Variants in CEP128 observed in about 807,000 individuals in gnomAD.
The protein encoded by CEP128 is centrosomal protein 128.
In CEP128, 132 loss-of-function variants were observed where a neutral mutation model predicts 156.7. The observed-to-expected ratio is 0.84, with a 90% CI of 0.73 to 0.97. The LOEUF (loss-of-function observed/expected upper bound fraction) is 0.97. Ranked by LOEUF, CEP128 falls within the 50% of genes least tolerant of loss-of-function variation. The probability of loss-of-function intolerance (pLI) is 0.00; values close to 1 mark genes in which losing one functional copy is unlikely to be tolerated. For missense variants in CEP128, 1,252 were observed against 1,281.9 expected, an observed-to-expected ratio of 0.98 and a Z score of 0.36; for synonymous variants, 469 against 448.9, an observed-to-expected ratio of 1.04 and a Z score of -0.57.
intron 19 of CEP128, among the ~76,000 whole-genome samples, chr14:80,677,798 C>G (rs6574600): frequency 0.38 from 56,929 of 151,388 alleles, 12,672 homozygotes; most frequent in Non-Finnish European, 0.5. Context: ...GCCAAAAAAC[C>G]TTAATTGTAA....
At chr14:80,720,762 T>C (rs1415309436) in intron 19 of CEP128, among the ~76,000 whole-genome samples, 2 of 152,192 alleles carry the variant, frequency 1.3e-5, no homozygotes, top group East Asian at 3.9e-4. Context: ...GGAAACGAAG[T>C]ATCTAAGCAA....
chr14:80,733,486 A>C (rs1186772685), intron 19 of CEP128, among the ~76,000 whole-genome samples: 1 of 152,108 alleles, frequency 6.6e-6, no homozygotes, highest in Non-Finnish European at 1.5e-5. Context: ...AGGAATGAAT[A>C]TATGACAAAC....
At chr14:80,865,526 A>G (rs943730042) in intron 8 of CEP128, among the ~76,000 whole-genome samples, 4 of 152,174 alleles carry the variant, frequency 2.6e-5, no homozygotes, top group African/African-American at 9.7e-5. Context: ...AACTTCTGAC[A>G]TAGGTCCCAA....
At chr14:80,645,381 T>C (rs572237601) in intron 19 of CEP128, among the ~76,000 whole-genome samples, 9 of 152,236 alleles carry the variant, frequency 5.9e-5, no homozygotes, top group Non-Finnish European at 8.8e-5. Context: ...AATGTTCTAA[T>C]AGGAGAAATC....
intron 20 of CEP128, among the ~76,000 whole-genome samples, chr14:80,567,864 G>C (rs1192588220): frequency 6.6e-6 from 1 of 152,016 alleles, no homozygotes; most frequent in African/African-American, 2.4e-5. Context: ...CAAAGAGATG[G>C]AGAAAGAGGA....
intron 19 of CEP128, among the ~76,000 whole-genome samples, chr14:80,694,749 G>C (rs1896832366): frequency 6.6e-6 from 1 of 151,672 alleles, no homozygotes; most frequent in South Asian, 2.1e-4. Flanking sequence ...GGGCCTGTCA[G>C]GGGGTAGGGG....
chr14:80,528,920 T>C (rs1265494734), intron 22 of CEP128, among the ~76,000 whole-genome samples: 1 of 152,214 alleles, frequency 6.6e-6, no homozygotes, highest in East Asian at 1.9e-4. Flanking sequence ...GCTTTATGTA[T>C]TTTCATTTAA....
intron 8 of CEP128, among the ~76,000 whole-genome samples, chr14:80,865,853 G>A (rs1369884534): frequency 6.6e-6 from 1 of 152,004 alleles, no homozygotes; most frequent in African/African-American, 2.4e-5. Context: ...AACCTACAGG[G>A]AACTGAATCC....
chr14:80,854,816 A>C (rs1057352996), intron 9 of CEP128, among the ~76,000 whole-genome samples: 2 of 152,226 alleles, frequency 1.3e-5, no homozygotes, highest in African/African-American at 2.4e-5. Flanking sequence ...CGTATTAAAC[A>C]AATATTTAGT....
At chr14:80,606,746 G>A (rs1056013740) in intron 19 of CEP128, among the ~76,000 whole-genome samples, 1 of 152,028 alleles carries the variant, frequency 6.6e-6, no homozygotes, top group Non-Finnish European at 1.5e-5. Context: ...CTCAAACAAT[G>A]ACCTCTTTTC....
intron 16 of CEP128, among the ~76,000 whole-genome samples, chr14:80,764,023 C>T (rs1349461881): frequency 6.6e-6 from 1 of 152,132 alleles, no homozygotes; most frequent in African/African-American, 2.4e-5. Context: ...TATAATTGAT[C>T]TTTCTTTTCT....
Position 80,761,607 on chromosome 14 carries a change from G to A in CEP128, c.2383C>T (p.His795Tyr). ...LKDQLEEREK[H>Y]ISIEEEHLRR... ...AAGTGCTCCTCTTCAATGCTTATAT[G>A]TTTTTCCTAAGGCATTGAAAGAAAT... Residue 795 changes from histidine (H) to tyrosine (Y), a missense_variant, in exon 17 of 25, where the codon CAT becomes TAT. Transcript: ENST00000555265. The A allele has an allele frequency of 6.3e-7, 1 of 1,587,634 alleles. No individual in the cohort carries two copies. The highest frequency in any genetic ancestry group is 8.6e-7 in the Non-Finnish European group (1 of 1,164,864).
chr14:80,540,419 G>A (rs1490420730), intron 21 of CEP128, among the ~76,000 whole-genome samples: 1 of 152,120 alleles, frequency 6.6e-6, no homozygotes, highest in Non-Finnish European at 1.5e-5. Context: ...ATAAACTCAG[G>A]GCCAAGGCCC....
chr14:80,947,713 C>G (rs1361944864), intron 2 of CEP128, among the ~76,000 whole-genome samples: 1 of 152,108 alleles, frequency 6.6e-6, no homozygotes, highest in Non-Finnish European at 1.5e-5. Context: ...AGATTCCTGA[C>G]TGGGAATGTG....
At chr14:80,815,247 G>C (rs1884783170) in intron 13 of CEP128, among the ~76,000 whole-genome samples, 1 of 152,098 alleles carries the variant, frequency 6.6e-6, no homozygotes, top group South Asian at 2.1e-4. Context: ...TCATTAAAAA[G>C]TGGACAAAGA....
chr14:80,796,867 G>C (rs528418805), intron 13 of CEP128, among the ~76,000 whole-genome samples: 1 of 152,270 alleles, frequency 6.6e-6, no homozygotes, highest in Non-Finnish European at 1.5e-5. Context: ...AAGTCAAGAA[G>C]TAAACTTATC....
At chr14:80,515,039 C>T (rs1305712149) in intron 23 of CEP128, among the ~76,000 whole-genome samples, 1 of 152,184 alleles carries the variant, frequency 6.6e-6, no homozygotes, top group Non-Finnish European at 1.5e-5. Context: ...CCTGGGTTAC[C>T]AGGCGGAATC....
chr14:80,728,523 G>GA (rs368326191), intron 19 of CEP128, among the ~76,000 whole-genome samples: 6 of 145,864 alleles, frequency 4.1e-5, no homozygotes, highest in Admixed American at 2.0e-4. Flanking sequence ...AGTTGAAAAA[G>GA]AAAAAAAAAA....
intron 21 of CEP128, among the ~76,000 whole-genome samples, chr14:80,535,628 CACACAT>C (rs1281986684): frequency 6.6e-6 from 1 of 151,002 alleles, no homozygotes; most frequent in African/African-American, 2.5e-5. Flanking sequence ...CACACACACA[CACACAT>C]GGGGTCTGGA....
Sources: gnomAD v4.1 joint callset for allele counts (sites outside exome capture counted in the v4.1 genomes callset) on GRCh38, gnomAD v4.1.1 for gene constraint, MANE v1.5 for transcripts, NCBI Gene and HGNC (gene_info 2026-07-23, HGNC 2026-07-21) for gene names.